CSNK1G1: variants seen among roughly 807,000 people sequenced by gnomAD.
CSNK1G1 encodes the protein casein kinase 1 gamma 1.
A neutral mutation model predicts 59.6 loss-of-function variants in CSNK1G1; 22 were observed. The ratio of observed to expected loss-of-function variants is 0.37; its 90% CI spans 0.26 to 0.53. The LOEUF (loss-of-function observed/expected upper bound fraction) is 0.53, where lower values mean the gene tolerates loss of function less well. CSNK1G1 is among the 20% of genes least tolerant of loss of function. The pLI is 0.89. For synonymous variants in CSNK1G1, 179 were observed against 177.1 expected (o/e 1.01, Z -0.08); for missense variants, 384 against 519.5 (o/e 0.74, Z 2.54).
chr15:64,222,043 T>C (rs1398546626), intron 4 of CSNK1G1, among the ~76,000 whole-genome samples: 3 of 151,968 alleles, frequency 2.0e-5, no homozygotes, highest in South Asian at 4.2e-4. Flanking sequence ...CCATCAATGA[T>C]AGACTGGATA....
chr15:64,181,720 G>T, intron 10 of CSNK1G1: 1 of 304,382 alleles, frequency 3.3e-6, no homozygotes, highest in Non-Finnish European at 6.1e-6. Flanking sequence ...TCTAAAATGG[G>T]AGAACAATGC....
chr15:64,270,408 G>C (rs763752646), intron 2 of CSNK1G1, among the ~76,000 whole-genome samples: 9 of 151,992 alleles, frequency 5.9e-5, no homozygotes, highest in Non-Finnish European at 1.3e-4. Flanking sequence ...TTGTTAATTT[G>C]AGATCTTTCT....
intron 9 of CSNK1G1, among the ~76,000 whole-genome samples, chr15:64,203,694 T>TA (rs531367701): frequency 0.092 from 5,156 of 56,058 alleles, 309 homozygotes; most frequent in Middle Eastern, 0.15. Flanking sequence ...TGAAACTCCG[T>TA]AAAAAAAAAA....
At chr15:64,215,831 A>G (rs1465915558) in intron 5 of CSNK1G1, among the ~76,000 whole-genome samples, 1 of 152,204 alleles carries the variant, frequency 6.6e-6, no homozygotes, top group Non-Finnish European at 1.5e-5. Context: ...TAGTCACACA[A>G]TTTTGAATCT....
chr15:64,351,832 C>T (rs1898305775), intron 1 of CSNK1G1, among the ~76,000 whole-genome samples: 2 of 152,102 alleles, frequency 1.3e-5, no homozygotes, highest in South Asian at 4.1e-4. Context: ...TAAGCTGAGC[C>T]TGGGCACTCC....
At chr15:64,334,405 G>C (rs769953995) in intron 1 of CSNK1G1, among the ~76,000 whole-genome samples, 8 of 152,086 alleles carry the variant, frequency 5.3e-5, no homozygotes, top group African/African-American at 1.9e-4. Flanking sequence ...TGGGGGTGGA[G>C]GGCAGGGGGG....
At chr15:64,179,313 A>T (rs760203184) in intron 11 of CSNK1G1, among the ~76,000 whole-genome samples, 6 of 152,200 alleles carry the variant, frequency 3.9e-5, no homozygotes, top group Non-Finnish European at 7.3e-5. Context: ...AACAATACAA[A>T]GTACATCTGG....
intron 4 of CSNK1G1, 190 bp downstream of exon 4, chr15:64,251,322 C>T: frequency 2.0e-6 from 1 of 512,226 alleles, no homozygotes; most frequent in Admixed American, 3.4e-5. Flanking sequence ...AACACAGTTC[C>T]CCTGTCAACT....
chr15:64,312,046 A>G (rs1896024647), intron 1 of CSNK1G1, among the ~76,000 whole-genome samples: 1 of 152,214 alleles, frequency 6.6e-6, no homozygotes, highest in South Asian at 2.1e-4. Context: ...AATACAACTT[A>G]TAAGGGATGT....
chr15:64,206,591 A>C (rs1348212992), intron 7 of CSNK1G1, among the ~76,000 whole-genome samples: 9 of 1,572 alleles, frequency 5.7e-3, no homozygotes, highest in Admixed American at 0.024. Context: ...TGTCTCAAAA[A>C]AAAAAAAAAA....
In CSNK1G1 at chr15:64,224,701, A is replaced by G. The variant is rs147237107; in HGVS notation, c.293-7988T>C. The stretch of plus-strand genomic sequence containing the variant: ...CTGTAATGAAAAATGTTTTACAATC[A>G]TCTTGTTTAAAGGCCTCCTGGGAAC... On this transcript the variant is annotated intron_variant, in intron 4 of 11. Coordinates refer to ENST00000303052, the MANE Select transcript of CSNK1G1 (RefSeq NM_022048.5). Among the ~76,000 whole-genome samples the G allele has an allele frequency of 9.3e-4, 141 of 152,336 alleles. 1 individual carries two copies. In the East Asian group the frequency reaches 0.024, roughly 26 times the overall value.
At chr15:64,196,969 C>T (rs1397933711) in intron 10 of CSNK1G1, among the ~76,000 whole-genome samples, 2 of 152,208 alleles carry the variant, frequency 1.3e-5, no homozygotes, top group African/African-American at 2.4e-5. Flanking sequence ...TATCTATTTA[C>T]ATCTGCACCC....
At chr15:64,259,157 T>C (rs781778031) in intron 3 of CSNK1G1, 44 bp downstream of exon 3, 3 of 1,493,912 alleles carry the variant, frequency 2.0e-6, no homozygotes, top group Non-Finnish European at 2.8e-6. Context: ...ATATAAGCAA[T>C]GGGAGCACCA....
intron 11 of CSNK1G1, among the ~76,000 whole-genome samples, chr15:64,174,910 T>G (rs1347135494): frequency 6.6e-6 from 1 of 152,104 alleles, no homozygotes; most frequent in Non-Finnish European, 1.5e-5. Context: ...GGCAGTAATC[T>G]CAATGTCCTG....
intron 2 of CSNK1G1, among the ~76,000 whole-genome samples, chr15:64,296,362 C>T (rs1393612721): frequency 1.3e-5 from 2 of 152,172 alleles, no homozygotes; most frequent in Non-Finnish European, 2.9e-5. Context: ...CTCAAGTCAT[C>T]TGCCTGCCTT....
chr15:64,310,687 T>A (rs1368612426), intron 1 of CSNK1G1, among the ~76,000 whole-genome samples: 1 of 151,768 alleles, frequency 6.6e-6, no homozygotes, highest in Non-Finnish European at 1.5e-5. Context: ...ACTACCTGGG[T>A]GACAGAGAAA....
Position 64,168,722 on chromosome 15 carries a change from G to C in CSNK1G1, c.*3209C>G, listed in dbSNP as rs2081630470. 6.6e-6 allele frequency: 1 copy of C among 152,226 alleles called. No individual in the cohort carries two copies. The highest frequency in any genetic ancestry group is 1.5e-5 in the Non-Finnish European group (1 of 68,040). 9.4% of individuals were successfully genotyped at this position (152,226 alleles called of 1,614,324 possible). A position where few individuals can be genotyped will look rare whatever the true frequency, so the allele number is the denominator to read the frequency against. ...GTGCATGCCCTAACCCCAAGGATCT[G>C]GCTGAGGCATACAGCTAAGGAACTG... is the stretch of plus-strand genomic sequence containing the variant. On this transcript the variant is annotated 3_prime_UTR_variant, in exon 12 of 12. Coordinates refer to ENST00000303052, the MANE Select transcript of CSNK1G1 (RefSeq NM_022048.5).
At chr15:64,329,944 C>T (rs572379342) in intron 1 of CSNK1G1, among the ~76,000 whole-genome samples, 52 of 150,260 alleles carry the variant, frequency 3.5e-4, no homozygotes, top group African/African-American at 1.2e-3. Context: ...ATACATTCCT[C>T]GACACATACA....
At chr15:64,212,794 C>A (rs1160414434) in intron 6 of CSNK1G1, among the ~76,000 whole-genome samples, 1 of 152,032 alleles carries the variant, frequency 6.6e-6, no homozygotes, top group Non-Finnish European at 1.5e-5. Context: ...TCACTTAAGG[C>A]CAGGAGTTCA....
Sources: allele counts gnomAD v4.1 joint callset (sites outside exome capture counted in the v4.1 genomes callset), GRCh38; gene constraint gnomAD v4.1.1; transcripts MANE v1.5; gene names NCBI Gene and HGNC (gene_info 2026-07-23, HGNC 2026-07-21).